CELF2: variants seen among roughly 807,000 people sequenced by gnomAD.
CELF2 encodes CUG triplet repeat RNA-binding protein 2.
In CELF2, 8 loss-of-function variants were observed where a neutral mutation model predicts 62.6. The observed-to-expected ratio is 0.13, with a 90% CI of 0.07 to 0.23. The LOEUF (loss-of-function observed/expected upper bound fraction) is 0.23, where lower values mean the gene tolerates loss of function less well. Among genes scored for constraint, CELF2 ranks in the 10% least tolerant of loss-of-function variants. CELF2 has a pLI of 1.00. For missense variants in CELF2, 333 were observed against 671.0 expected (o/e 0.50, Z 5.56); for synonymous variants, 258 against 250.0 (o/e 1.03, Z -0.30).
At chr10:11,164,821 A>G (rs543796686) in intron 1 of CELF2, among the ~76,000 whole-genome samples, 4 of 152,244 alleles carry the variant, frequency 2.6e-5, no homozygotes, top group East Asian at 3.9e-4. Flanking sequence ...TGGGCAGCCA[A>G]TCAGCTGCGC....
the CELF2 span, among the ~76,000 whole-genome samples, chr10:10,754,061 G>GGTTTTTTTTTTTTTTTTTT: frequency 1.2e-5 from 1 of 85,056 alleles, no homozygotes; most frequent in Non-Finnish European, 2.2e-5. Context: ...TGCTGAGGTG[G>GGTTTTTTTTTTTTTTTTTT]TTTTTTTTTT....
chr10:10,697,493 A>G, the CELF2 span, among the ~76,000 whole-genome samples: 3 of 152,168 alleles, frequency 2.0e-5, no homozygotes, highest in Non-Finnish European at 4.4e-5. Context: ...GGGCTGCTCT[A>G]ACAAAATACG....
the CELF2 span, among the ~76,000 whole-genome samples, chr10:10,543,697 C>A: frequency 0.97 from 147,051 of 152,090 alleles, 71,117 homozygotes; most frequent in Middle Eastern, 0.98. Flanking sequence ...AAATACAAAA[C>A]TTAGCTGGGT....
intron 2 of CELF2, among the ~76,000 whole-genome samples, chr10:11,194,541 C>G (rs147227736): frequency 1.5e-3 from 227 of 152,272 alleles, no homozygotes; most frequent in South Asian, 6.0e-3. Context: ...CATTCAGGGT[C>G]CACACATTGA....
chr10:10,946,391 C>A (rs1461819068), intron 2 of CELF2: 1 of 152,584 alleles, frequency 6.6e-6, no homozygotes, highest in African/African-American at 2.4e-5. Context: ...ACAGAGCTTT[C>A]ATTTATTCAG....
intron 1 of CELF2, among the ~76,000 whole-genome samples, chr10:11,059,830 T>G (rs1387137941): frequency 1.3e-5 from 2 of 152,206 alleles, no homozygotes; most frequent in Non-Finnish European, 2.9e-5. Flanking sequence ...CTGAAATCCC[T>G]GGAATAGTGC....
intron 1 of CELF2, among the ~76,000 whole-genome samples, chr10:10,831,235 G>A (rs1304344501): frequency 6.6e-6 from 1 of 152,198 alleles, no homozygotes; most frequent in African/African-American, 2.4e-5. Flanking sequence ...ACTTCGGATG[G>A]TGTCATGAGT....
At chr10:10,648,923 G>C in the CELF2 span, among the ~76,000 whole-genome samples, 1 of 152,284 alleles carries the variant, frequency 6.6e-6, no homozygotes, top group African/African-American at 2.4e-5. Flanking sequence ...AGATGATGCT[G>C]TCGGCTATTA....
rs957670341 is a variant in CELF2, at chr10:11,316,018, C to T, written c.1096+1760C>T. Among the ~76,000 whole-genome samples, 6 of 152,338 alleles carry T rather than the reference C, an allele frequency of 3.9e-5. No individual in the cohort carries two copies. The highest frequency in any genetic ancestry group is 7.2e-5 in the African/African-American group (3 of 41,576). On this transcript the variant is annotated intron_variant, in intron 10 of 12. Transcript: ENST00000633077. This position sits in a 1 kb window ranked among gnomAD's most constrained non-coding sequence, Gnocchi z 4.4. ...TGGTGTGTGTGTGTCCTCTCGTCTG[C>T]GTCCCGCCCTGTCCACGCTGCTCTG...
chr10:11,319,114 CCT>C lies in CELF2; in HGVS notation c.1097-2071_1097-2070del, dbSNP rs1565964869. ...CCAAGCAGAGCGGCGAGTCGCCGCT[CCT>C]CTCCCGCCAGAATTTCCTCCACACG... On this transcript the variant is annotated intron_variant, in intron 10 of 12. Transcript: ENST00000633077. This position sits in a 1 kb window ranked among gnomAD's most constrained non-coding sequence, Gnocchi z 4.4. 1 of 470,072 alleles carries C rather than the reference CCT, an allele frequency of 2.1e-6. No homozygotes were observed. Among genetic ancestry groups the C allele is most frequent in the South Asian group, 1.5e-5 (1 of 64,538 alleles). The allele number at this position is 470,072 out of a possible 1,614,324, so 29.1% of individuals were successfully genotyped here. A position where few individuals can be genotyped will look rare whatever the true frequency, so the allele number is the denominator to read the frequency against.
chr10:10,727,357 C>A, the CELF2 span, among the ~76,000 whole-genome samples: 2 of 152,160 alleles, frequency 1.3e-5, no homozygotes, highest in Non-Finnish European at 2.9e-5. Context: ...TTTTTAAGTT[C>A]CTCCCAATAT....
the CELF2 span, among the ~76,000 whole-genome samples, chr10:10,586,101 C>G: frequency 6.6e-6 from 1 of 152,314 alleles, no homozygotes; most frequent in Admixed American, 6.5e-5. Context: ...TGCTTTCAAG[C>G]TGCACCACTG....
chr10:10,857,679 A>ATATT (rs1265280725), intron 1 of CELF2, among the ~76,000 whole-genome samples: 1 of 139,150 alleles, frequency 7.2e-6, no homozygotes, highest in African/African-American at 2.6e-5. Flanking sequence ...ATATATATAT[A>ATATT]TATTTTACCT....
chr10:11,166,142 G>A (rs971741083), intron 2 of CELF2, among the ~76,000 whole-genome samples: 9 of 152,324 alleles, frequency 5.9e-5, no homozygotes, highest in African/African-American at 2.2e-4. Flanking sequence ...CTTATAAACA[G>A]TTGACGTGAT....
In CELF2 at chr10:11,110,253, G is replaced by A. The variant is rs61177758; in HGVS notation, c.75-55233G>A. ...CGTCCTACCGCACTCCAGCATGGGCGACAGAGCAAGACCATGTCTTAAAAA... is the reference window on the plus strand; with the variant it reads ...CGTCCTACCGCACTCCAGCATGGGCAACAGAGCAAGACCATGTCTTAAAAA... On this transcript the variant is annotated intron_variant, in intron 1 of 12. Transcript: ENST00000633077. The surrounding 1 kb of genome is among the most constrained non-coding windows in gnomAD (Gnocchi z 4.0). Among the ~76,000 whole-genome samples the A allele has an allele frequency of 0.058, 8,823 of 151,826 alleles. 290 individuals carry two copies. Among genetic ancestry groups the A allele is most frequent in the African/African-American group, 0.088 (3,619 of 41,340 alleles).
intron 1 of CELF2, among the ~76,000 whole-genome samples, chr10:10,915,890 C>T (rs1012748686): frequency 4.6e-5 from 7 of 152,050 alleles, no homozygotes; most frequent in Non-Finnish European, 8.8e-5. Context: ...CTGGGCTGAA[C>T]GTAGATTAAG....
intron 1 of CELF2, among the ~76,000 whole-genome samples, chr10:11,130,132 C>T (rs1342116215): frequency 6.6e-6 from 1 of 151,998 alleles, no homozygotes; most frequent in African/African-American, 2.4e-5. Context: ...CATTATTTAC[C>T]CAGTGGTCAT....
At chr10:11,273,258 G>C (rs893004294) in intron 7 of CELF2, among the ~76,000 whole-genome samples, 2 of 151,926 alleles carry the variant, frequency 1.3e-5, no homozygotes, top group Non-Finnish European at 2.9e-5. Flanking sequence ...GTTAGGAACC[G>C]GACCGCCCAG....
chr10:10,985,853 C>A (rs987235009), intron 2 of CELF2, among the ~76,000 whole-genome samples: 1 of 152,186 alleles, frequency 6.6e-6, no homozygotes, highest in African/African-American at 2.4e-5. Flanking sequence ...GATGATGACC[C>A]CATTCCTGGG....
Sources: gnomAD v4.1 joint callset for allele counts (sites outside exome capture counted in the v4.1 genomes callset) on GRCh38, gnomAD v4.1.1 for gene constraint, Gnocchi (gnomAD v3.1) non-coding constraint, MANE v1.5 for transcripts, NCBI Gene and HGNC (gene_info 2026-07-23, HGNC 2026-07-21) for gene names.